The following FUT8 variants were observed in gnomAD, a reference collection of about 807,000 sequenced individuals.
FUT8 encodes fucosyltransferase 8.
FUT8 carries 29 observed loss-of-function variants against 71.3 expected under a neutral mutation model. The ratio of observed to expected loss-of-function variants is 0.41; its 90% CI spans 0.30 to 0.55. The LOEUF (loss-of-function observed/expected upper bound fraction) is 0.55. FUT8 is among the 20% of genes least tolerant of loss of function. The pLI, the probability that FUT8 is intolerant of heterozygous loss-of-function variation, is 0.34. For synonymous variants in FUT8, 254 were observed against 239.3 expected (o/e 1.06, Z -0.57); for missense variants, 544 against 702.1 (o/e 0.77, Z 2.55).
chr14:65,391,582 C>T, the FUT8 span, among the ~76,000 whole-genome samples: 7 of 152,244 alleles, frequency 4.6e-5, no homozygotes, highest in Non-Finnish European at 1.0e-4. Context: ...TCTCGAACTC[C>T]TGACCTCGTG....
rs1433571840 is a variant in FUT8, at chr14:65,550,275, G to A, written c.-227-11062G>A. ...AGGCTCTTTTTAACAAGATCATTGTGTGTTCTGATGAACCCATCATAAGTT... is the reference window on the plus strand; with the variant it reads ...AGGCTCTTTTTAACAAGATCATTGTATGTTCTGATGAACCCATCATAAGTT... On this transcript the variant is annotated intron_variant, in intron 2 of 10. Transcript: ENST00000673929. This position sits in a 1 kb window ranked among gnomAD's most constrained non-coding sequence, Gnocchi z 4.5. Among the ~76,000 whole-genome samples the A allele has an allele frequency of 2.6e-5, 4 of 152,096 alleles. No homozygotes were observed. Among genetic ancestry groups the A allele is most frequent in the African/African-American group, 9.7e-5 (4 of 41,404 alleles).
At chr14:65,383,088 C>T in the FUT8 span, among the ~76,000 whole-genome samples, 29 of 152,006 alleles carry the variant, frequency 1.9e-4, no homozygotes, top group Non-Finnish European at 4.1e-4. Context: ...CTCCCTACCA[C>T]CAACCAACGC....
intron 1 of FUT8, among the ~76,000 whole-genome samples, chr14:65,421,591 G>A (rs954494651): frequency 6.6e-6 from 1 of 152,066 alleles, no homozygotes; most frequent in Non-Finnish European, 1.5e-5. Flanking sequence ...CTGCCATATC[G>A]TCTGATGTCA....
intron 6 of FUT8, among the ~76,000 whole-genome samples, chr14:65,647,167 G>A (rs1891159928): frequency 6.6e-6 from 1 of 152,114 alleles, no homozygotes; most frequent in Non-Finnish European, 1.5e-5. Flanking sequence ...CAAGGCTTAG[G>A]TCAGTTGTAT....
chr14:65,524,976 C>G (rs1883346295), intron 2 of FUT8, among the ~76,000 whole-genome samples: 1 of 152,120 alleles, frequency 6.6e-6, no homozygotes, highest in South Asian at 2.1e-4. Flanking sequence ...TTCGGTTTGC[C>G]AGTATTTTAT....
chr14:65,723,459 T>C (rs1895527300), intron 8 of FUT8, among the ~76,000 whole-genome samples: 1 of 152,196 alleles, frequency 6.6e-6, no homozygotes. Flanking sequence ...TTTTCTTAAA[T>C]ATGACAGGTG....
At chr14:65,692,077 C>A (rs867543701) in intron 7 of FUT8, among the ~76,000 whole-genome samples, 1 of 151,866 alleles carries the variant, frequency 6.6e-6, no homozygotes, top group East Asian at 1.9e-4. Flanking sequence ...TCCACAAAAC[C>A]GCCATTGTCA....
intron 1 of FUT8, among the ~76,000 whole-genome samples, chr14:65,442,882 C>T (rs1434375438): frequency 1.3e-5 from 2 of 150,952 alleles, no homozygotes; most frequent in Non-Finnish European, 3.0e-5. Context: ...GGAAACCTTA[C>T]TCATGCACCA....
chr14:65,589,630 G>C (rs1887578349), intron 3 of FUT8, among the ~76,000 whole-genome samples: 1 of 151,872 alleles, frequency 6.6e-6, no homozygotes, highest in African/African-American at 2.4e-5. Flanking sequence ...ATTTTTAGTA[G>C]AGACGGGGTT....
At chr14:65,368,622 C>T in the FUT8 span, among the ~76,000 whole-genome samples, 1 of 132,098 alleles carries the variant, frequency 7.6e-6, no homozygotes, top group Admixed American at 7.6e-5. Context: ...TCCGGGTTCA[C>T]GCCATTCTCC....
intron 7 of FUT8, among the ~76,000 whole-genome samples, chr14:65,715,376 C>T (rs970135358): frequency 4.6e-5 from 7 of 152,184 alleles, no homozygotes; most frequent in South Asian, 4.1e-4. Flanking sequence ...TGATATGTCT[C>T]ATTGATTGAT....
chr14:65,546,681 A>G (rs1215330193), intron 2 of FUT8, among the ~76,000 whole-genome samples: 1 of 151,792 alleles, frequency 6.6e-6, no homozygotes, highest in East Asian at 1.9e-4. Context: ...TTCCTTTGTA[A>G]ATACCTGAAT....
At chr14:65,388,917 A>C in the FUT8 span, among the ~76,000 whole-genome samples, 321 of 152,206 alleles carry the variant, frequency 2.1e-3, 6 homozygotes, top group East Asian at 0.033. Context: ...AATTTTTTAA[A>C]ATATAAAAAC....
chr14:65,422,712 T>C (rs1362483165), intron 1 of FUT8, among the ~76,000 whole-genome samples: 1 of 152,148 alleles, frequency 6.6e-6, no homozygotes, highest in Non-Finnish European at 1.5e-5. Flanking sequence ...CTCACTGTGT[T>C]GCCCAGTCTG....
At chr14:65,507,139 C>G (rs150335714) in intron 2 of FUT8, among the ~76,000 whole-genome samples, 1 of 152,186 alleles carries the variant, frequency 6.6e-6, no homozygotes, top group Non-Finnish European at 1.5e-5. Context: ...CATGGCACAT[C>G]AAAGGTTAGT....
intron 7 of FUT8, among the ~76,000 whole-genome samples, chr14:65,690,070 T>TTTTG (rs932226968): frequency 7.2e-5 from 11 of 152,166 alleles, no homozygotes; most frequent in Admixed American, 4.6e-4. Context: ...TATACCCTGT[T>TTTTG]TTTGTTTGTT....
At chr14:65,513,898 AT>A (rs1482845549) in intron 2 of FUT8, among the ~76,000 whole-genome samples, 1 of 152,156 alleles carries the variant, frequency 6.6e-6, no homozygotes. Context: ...ATGTCTATGA[AT>A]ATATATGGGG....
chr14:65,428,949 C>T (rs1315778794), intron 1 of FUT8, among the ~76,000 whole-genome samples: 3 of 152,132 alleles, frequency 2.0e-5, no homozygotes, highest in African/African-American at 7.2e-5. Context: ...AAGTGCATGA[C>T]TATCATTGGG....
the FUT8 span, among the ~76,000 whole-genome samples, chr14:65,373,555 G>T: frequency 6.6e-6 from 1 of 152,030 alleles, no homozygotes; most frequent in African/African-American, 2.4e-5. Context: ...TGGCGCCAGA[G>T]CCCAAAAGTG....
Sources: allele counts gnomAD v4.1 joint callset (sites outside exome capture counted in the v4.1 genomes callset), GRCh38; gene constraint gnomAD v4.1.1; non-coding constraint Gnocchi (gnomAD v3.1); transcripts MANE v1.5; gene names NCBI Gene and HGNC (gene_info 2026-07-23, HGNC 2026-07-21).